ZNF701: variants seen among roughly 807,000 people sequenced by gnomAD.
ZNF701 encodes zinc finger protein 701.
A neutral mutation model predicts 7.1 loss-of-function variants in ZNF701; 6 were observed. That is an observed-to-expected ratio of 0.84 (90% CI 0.46 to 1.66). ZNF701 has a LOEUF of 1.66. ZNF701 is among the 40% of genes most tolerant of loss of function. The probability of loss-of-function intolerance (pLI) is 0.01; values close to 1 mark genes in which losing one functional copy is unlikely to be tolerated. For synonymous variants in ZNF701, 166 were observed against 188.2 expected, an observed-to-expected ratio of 0.88 and a Z score of 0.97; for missense variants, 541 against 559.2, an observed-to-expected ratio of 0.97 and a Z score of 0.33.
chr19:52,570,906 G>C (rs2059893497), intron 1 of ZNF701: 1 of 152,622 alleles, frequency 6.6e-6, no homozygotes, highest in African/African-American at 2.4e-5. Context: ...TGCCTGCCTA[G>C]CTCCAACCCC....
At chr19:52,599,819 A>C in the ZNF701 span, among the ~76,000 whole-genome samples, 5 of 152,298 alleles carry the variant, frequency 3.3e-5, no homozygotes, top group African/African-American at 1.2e-4. Flanking sequence ...TAGGAGCCTC[A>C]CCAGAGAGGG....
At chr19:52,573,101 C>T (rs1600067460) in intron 1 of ZNF701, 1 of 200,146 alleles carries the variant, frequency 5.0e-6, no homozygotes, top group Non-Finnish European at 1.0e-5. Flanking sequence ...GAGTCTCGCT[C>T]TGTCCTCCAG....
chr19:52,571,228 C>CAGAG (rs1022466010), intron 1 of ZNF701, among the ~76,000 whole-genome samples: 2 of 139,172 alleles, frequency 1.4e-5, no homozygotes, highest in African/African-American at 5.3e-5. Flanking sequence ...GGAGGCTCAT[C>CAGAG]AGAGTGAGAG....
At chr19:52,587,674 A>C (rs1777664090), downstream of ZNF701, among the ~76,000 whole-genome samples, 1 of 152,256 alleles carries the variant, frequency 6.6e-6, no homozygotes, top group South Asian at 2.1e-4. Context: ...AGCGGAGAGC[A>C]GAATCAGAAG....
chr19:52,593,379 C>G, the ZNF701 span, among the ~76,000 whole-genome samples: 40 of 109,866 alleles, frequency 3.6e-4, no homozygotes, highest in African/African-American at 4.2e-4. Flanking sequence ...CCCCTCACCT[C>G]CCGGATGGGG....
chr19:52,578,728 A>C (rs2059954162), intron 3 of ZNF701, among the ~76,000 whole-genome samples: 1 of 152,216 alleles, frequency 6.6e-6, no homozygotes, highest in Admixed American at 6.5e-5. Context: ...ACATGATTCC[A>C]GTGTGAATAT....
intron 3 of ZNF701, among the ~76,000 whole-genome samples, chr19:52,579,927 A>G (rs1220398585): frequency 7.0e-6 from 1 of 142,320 alleles, no homozygotes; most frequent in Non-Finnish European, 1.5e-5. Flanking sequence ...TGCAAAAACT[A>G]CTTCTCCTCT....
chr19:52,583,696 A>G lies in ZNF701; in HGVS notation c.*239A>G. On this transcript the variant is annotated 3_prime_UTR_variant, in exon 4 of 4. Transcript: ENST00000391785. The stretch of plus-strand genomic sequence containing the variant: ...CAACATACTGGAATTCACACTGGAA[A>G]GGAACTGTACAAGTGTAATGAGTGT... 1 of 878,128 alleles carries G rather than the reference A, an allele frequency of 1.1e-6. No individual in the cohort carries two copies. The highest frequency in any genetic ancestry group is 1.9e-6 in the Non-Finnish European group (1 of 518,858). 54.4% of individuals were successfully genotyped at this position (878,128 alleles called of 1,614,324 possible). A position where few individuals can be genotyped will look rare whatever the true frequency, so the allele number is the denominator to read the frequency against.
At chr19:52,578,061 T>C (rs1002918310) in intron 3 of ZNF701, among the ~76,000 whole-genome samples, 2 of 151,892 alleles carry the variant, frequency 1.3e-5, no homozygotes, top group African/African-American at 4.8e-5. Flanking sequence ...GAGACCATCC[T>C]GGCTAACATG....
downstream of ZNF701, among the ~76,000 whole-genome samples, chr19:52,589,908 C>T (rs1377166726): frequency 1.3e-5 from 2 of 151,834 alleles, no homozygotes; most frequent in Non-Finnish European, 2.9e-5. Flanking sequence ...ATTCTCTTAC[C>T]TCAGCTTCAC....
chr19:52,597,655 G>C, the ZNF701 span: 2 of 338,028 alleles, frequency 5.9e-6, no homozygotes, highest in African/African-American at 4.3e-5. Context: ...TGTGTAGGTG[G>C]CCGTTGGGGT....
chr19:52,587,996 G>A (rs1245273342), downstream of ZNF701, among the ~76,000 whole-genome samples: 1 of 152,178 alleles, frequency 6.6e-6, no homozygotes, highest in African/African-American at 2.4e-5. Flanking sequence ...GTGTCTTGCT[G>A]CATCGTGTGC....
At position 52,583,875 on chromosome 19, in the gene ZNF701, AGT is replaced by A; in HGVS notation, c.*421_*422del. On this transcript the variant is annotated 3_prime_UTR_variant, in exon 4 of 4. Coordinates refer to ENST00000391785, the MANE Select transcript of ZNF701 (RefSeq NM_018260.3). ...AATCCATAATGAAGGAGGTCTTACA[AGT>A]GTAATAAATGTGGCAAGTTTTTCAG... The A allele has an allele frequency of 2.1e-6, 1 of 470,154 alleles. No individual in the cohort carries two copies. The highest frequency in any genetic ancestry group is 4.1e-6 in the Non-Finnish European group (1 of 241,536). The allele number at this position is 470,154 out of a possible 1,614,324, so 29.1% of individuals were successfully genotyped here.
rs776788700 is a variant in ZNF701, at chr19:52,584,705, T to A, written c.*1248T>A. On this transcript the variant is annotated 3_prime_UTR_variant, in exon 4 of 4. Coordinates refer to ENST00000391785, the MANE Select transcript of ZNF701 (RefSeq NM_018260.3). ...ATCTCTAGCAAATGGAAGTGTTTTT[T>A]AATTTTCGTTTAAATTTTTTATTGT... 5.9e-5 allele frequency: 9 copies of A among 152,270 alleles called. No individual in the cohort carries two copies. The highest frequency in any genetic ancestry group is 2.2e-4 in the African/African-American group (9 of 41,470). 9.4% of individuals were successfully genotyped at this position (152,270 alleles called of 1,614,324 possible).
At chr19:52,578,279 GAAGT>G (rs374779527) in intron 3 of ZNF701, among the ~76,000 whole-genome samples, 2 of 109,970 alleles carry the variant, frequency 1.8e-5, no homozygotes, top group African/African-American at 7.5e-5. Context: ...AAAAAAAAAA[GAAGT>G]GTATAGAAGA....
chr19:52,575,634 G>C (rs2059929556), intron 2 of ZNF701: 1 of 352,508 alleles, frequency 2.8e-6, no homozygotes, highest in Non-Finnish European at 5.4e-6. Flanking sequence ...CAAGTAGTTG[G>C]GACAACAGAT....
downstream of ZNF701, among the ~76,000 whole-genome samples, chr19:52,590,401 A>G (rs1016323308): frequency 6.6e-6 from 1 of 152,078 alleles, no homozygotes; most frequent in African/African-American, 2.4e-5. Context: ...CCTCTTCACT[A>G]ATTTTTAATT....
chr19:52,593,803 G>A, the ZNF701 span, among the ~76,000 whole-genome samples: 12 of 113,000 alleles, frequency 1.1e-4, 3 homozygotes, highest in South Asian at 3.0e-4. Context: ...GACGATGGGC[G>A]GCCGGGCAGA....
the ZNF701 span, chr19:52,597,347 T>C: frequency 1.9e-6 from 1 of 540,336 alleles, no homozygotes; most frequent in Non-Finnish European, 3.8e-6. Flanking sequence ...CTTACAAATG[T>C]CTTAAGTGTG....
Sources: gnomAD v4.1 joint callset for allele counts (sites outside exome capture counted in the v4.1 genomes callset) on GRCh38, gnomAD v4.1.1 for gene constraint, MANE v1.5 for transcripts, NCBI Gene and HGNC (gene_info 2026-07-23, HGNC 2026-07-21) for gene names.